Variants in LRRTM3 observed in about 807,000 individuals in gnomAD.
LRRTM3 encodes the protein leucine-rich repeat transmembrane neuronal protein 3.
A neutral mutation model predicts 44.7 loss-of-function variants in LRRTM3; 24 were observed. That is an observed-to-expected ratio of 0.54 (90% CI 0.39 to 0.76). The LOEUF is 0.76. Ranked by LOEUF, LRRTM3 falls within the 30% of genes least tolerant of loss-of-function variation. The pLI, the probability that LRRTM3 is intolerant of heterozygous loss-of-function variation, is 0.00. For missense variants in LRRTM3, 587 were observed against 702.2 expected (o/e 0.84, Z 1.85); for synonymous variants, 277 against 278.7 (o/e 0.99, Z 0.06).
intron 2 of LRRTM3, among the ~76,000 whole-genome samples, chr10:66,977,556 G>C (rs760025665): frequency 4.5e-4 from 68 of 152,146 alleles, no homozygotes; most frequent in Non-Finnish European, 8.4e-4. Context: ...AATTTTCTAT[G>C]CTTCACTGTC....
intron 2 of LRRTM3, among the ~76,000 whole-genome samples, chr10:66,976,704 C>T (rs540458361): frequency 9.2e-4 from 140 of 152,238 alleles, no homozygotes; most frequent in African/African-American, 2.8e-3. Flanking sequence ...TTACTTTCTT[C>T]GTCAATACAA....
intron 2 of LRRTM3, among the ~76,000 whole-genome samples, chr10:67,070,108 A>G (rs944395215): frequency 6.6e-6 from 1 of 152,198 alleles, no homozygotes; most frequent in African/African-American, 2.4e-5. Context: ...GTGTAGTATT[A>G]TCACATTTTG....
chr10:67,050,412 T>C (rs1310881335), intron 2 of LRRTM3, among the ~76,000 whole-genome samples: 1 of 152,100 alleles, frequency 6.6e-6, no homozygotes, highest in Non-Finnish European at 1.5e-5. Flanking sequence ...ATATAAGTAT[T>C]AGATTTCTCC....
intron 2 of LRRTM3, among the ~76,000 whole-genome samples, chr10:67,030,911 G>A (rs1297396163): frequency 6.6e-6 from 1 of 152,136 alleles, no homozygotes; most frequent in African/African-American, 2.4e-5. Context: ...GGTTGAGGAA[G>A]GAGAATTGCT....
chr10:66,926,355 T>G lies in LRRTM3; in HGVS notation c.-229T>G, dbSNP rs560799791. ...AAGATCCTATTACCTAGGAAGATTT[T>G]GATGTTTTGCTGCGAATGCGGTGTT... On this transcript the variant is annotated 5_prime_UTR_variant, in exon 1 of 3. Transcript: ENST00000361320. The G allele has an allele frequency of 3.2e-6, 2 of 622,112 alleles. No homozygotes were observed. Among genetic ancestry groups the G allele is most frequent in the East Asian group, 5.4e-5 (2 of 37,046 alleles). The allele number at this position is 622,112 out of a possible 1,614,324, so 38.5% of individuals were successfully genotyped here. A position where few individuals can be genotyped will look rare whatever the true frequency, so the allele number is the denominator to read the frequency against.
chr10:67,051,501 C>T (rs532026371), intron 2 of LRRTM3, among the ~76,000 whole-genome samples: 22 of 150,324 alleles, frequency 1.5e-4, no homozygotes, highest in Admixed American at 6.6e-4. Flanking sequence ...ACCCTGTCAC[C>T]GAGGCTGGAG....
chr10:67,041,156 G>A (rs966202169), intron 2 of LRRTM3, among the ~76,000 whole-genome samples: 4 of 152,048 alleles, frequency 2.6e-5, no homozygotes, highest in African/African-American at 7.2e-5. Flanking sequence ...AGCCAAAAAT[G>A]GTTCCTGATC....
chr10:67,100,448 C>T lies in LRRTM3; in HGVS notation c.*2652C>T, dbSNP rs1274578129. Among the ~76,000 whole-genome samples, 1 of 151,714 alleles carries T rather than the reference C, an allele frequency of 6.6e-6. No individual in the cohort carries two copies. The highest frequency in any genetic ancestry group is 2.4e-5 in the African/African-American group (1 of 41,378). Reference sequence around the variant, plus strand: ...GGTTAAGGGTGAGGGTGGTGACAATCTGAAAGACTGTGTCTGGAATCTTTA... The same window carrying T: ...GGTTAAGGGTGAGGGTGGTGACAATTTGAAAGACTGTGTCTGGAATCTTTA... On this transcript the variant is annotated 3_prime_UTR_variant, in exon 3 of 3. Coordinates refer to ENST00000361320, the MANE Select transcript of LRRTM3 (RefSeq NM_178011.5).
intron 2 of LRRTM3, among the ~76,000 whole-genome samples, chr10:66,937,992 T>C (rs1244937015): frequency 6.6e-6 from 1 of 152,142 alleles, no homozygotes; most frequent in African/African-American, 2.4e-5. Context: ...ATCTCTTCTT[T>C]TCCTTCTTCT....
At chr10:66,944,284 CAA>C (rs1254487995) in intron 2 of LRRTM3, among the ~76,000 whole-genome samples, 1 of 152,164 alleles carries the variant, frequency 6.6e-6, no homozygotes, top group African/African-American at 2.4e-5. Flanking sequence ...GATTTTATCT[CAA>C]GAGACAACTT....
At chr10:66,948,030 A>G (rs1181835436) in intron 2 of LRRTM3, among the ~76,000 whole-genome samples, 1 of 152,248 alleles carries the variant, frequency 6.6e-6, no homozygotes, top group African/African-American at 2.4e-5. Flanking sequence ...GGCATTTGTA[A>G]CACAATGGTA....
rs1855250549 is a variant in LRRTM3, at chr10:67,053,627, C to T, written c.1537-43960C>T. Among the ~76,000 whole-genome samples the T allele has an allele frequency of 2.0e-5, 3 of 152,162 alleles. No homozygotes were observed. In the South Asian group the frequency reaches 6.2e-4, roughly 32 times the overall value. ...CTTTTTGCTCTTTGAGGATCCTTTT[C>T]TAAACTGTAAATTTCCTGGAAATGC... On this transcript the variant is annotated intron_variant, in intron 2 of 2. Coordinates refer to ENST00000361320, the MANE Select transcript of LRRTM3 (RefSeq NM_178011.5).
intron 2 of LRRTM3, among the ~76,000 whole-genome samples, chr10:66,956,361 G>C (rs1194072247): frequency 6.6e-6 from 1 of 151,888 alleles, no homozygotes; most frequent in Non-Finnish European, 1.5e-5. Context: ...GGAGTAAATT[G>C]AGCCTTAATG....
At chr10:67,001,249 C>A (rs1282104413) in intron 2 of LRRTM3, among the ~76,000 whole-genome samples, 2 of 146,710 alleles carry the variant, frequency 1.4e-5, no homozygotes, top group African/African-American at 5.1e-5. Flanking sequence ...TGCAGTGAGC[C>A]GAGATGGAGC....
At chr10:66,974,632 TAA>T (rs926583784) in intron 2 of LRRTM3, among the ~76,000 whole-genome samples, 1 of 152,238 alleles carries the variant, frequency 6.6e-6, no homozygotes, top group Non-Finnish European at 1.5e-5. Context: ...CAGTAATGTA[TAA>T]GAGTTTCATT....
At chr10:66,964,888 G>A (rs965677605) in intron 2 of LRRTM3, among the ~76,000 whole-genome samples, 1 of 152,030 alleles carries the variant, frequency 6.6e-6, no homozygotes, top group Non-Finnish European at 1.5e-5. Flanking sequence ...ATTAAACCCT[G>A]ACTAATGTAA....
chr10:67,052,767 G>C (rs1855191316), intron 2 of LRRTM3: 1 of 151,914 alleles, frequency 6.6e-6, no homozygotes, highest in South Asian at 2.1e-4. Flanking sequence ...AACAAACAAA[G>C]AAACAAACAA....
intron 2 of LRRTM3, among the ~76,000 whole-genome samples, chr10:67,001,025 A>G (rs1851652984): frequency 6.6e-6 from 1 of 152,066 alleles, no homozygotes; most frequent in African/African-American, 2.4e-5. Context: ...TAAATAGGCC[A>G]GGTGCAGTGG....
chr10:67,024,341 C>T (rs542981883), intron 2 of LRRTM3, among the ~76,000 whole-genome samples: 1 of 152,296 alleles, frequency 6.6e-6, no homozygotes, highest in African/African-American at 2.4e-5. Context: ...GACCTTCCTG[C>T]CTCCCTCTTA....
Sources: allele counts gnomAD v4.1 joint callset (sites outside exome capture counted in the v4.1 genomes callset), GRCh38; gene constraint gnomAD v4.1.1; transcripts MANE v1.5; gene names NCBI Gene and HGNC (gene_info 2026-07-23, HGNC 2026-07-21).